The following PCDH15 variants were observed in gnomAD, a reference collection of about 807,000 sequenced individuals.
PCDH15 encodes the protein protocadherin related 15.
Under a neutral mutation model 178.5 loss-of-function variants are expected in PCDH15, and 129 were observed. That is an observed-to-expected ratio of 0.72 (90% CI 0.63 to 0.84). The LOEUF (loss-of-function observed/expected upper bound fraction) is 0.84. Ranked by LOEUF, PCDH15 falls within the 40% of genes least tolerant of loss-of-function variation. The probability of loss-of-function intolerance (pLI) is 0.00; values close to 1 mark genes in which losing one functional copy is unlikely to be tolerated. For missense variants in PCDH15, 2,230 were observed against 2,099.9 expected (o/e 1.06, Z -1.21); for synonymous variants, 800 against 732.0 (o/e 1.09, Z -1.50).
At chr10:54,271,895 G>GC (rs2058067904) in intron 8 of PCDH15, among the ~76,000 whole-genome samples, 1 of 150,136 alleles carries the variant, frequency 6.7e-6, no homozygotes, top group South Asian at 2.1e-4. Flanking sequence ...TTTGGTAAGT[G>GC]CCCACCACAT....
chr10:55,441,059 G>T (rs367997353), intron 2 of PCDH15, among the ~76,000 whole-genome samples: 2 of 152,106 alleles, frequency 1.3e-5, no homozygotes, highest in Non-Finnish European at 2.9e-5. Context: ...GATTTGGGTG[G>T]GGACACAGCC....
chr10:54,424,526 T>A (rs549501079), intron 3 of PCDH15, among the ~76,000 whole-genome samples: 88 of 150,598 alleles, frequency 5.8e-4, no homozygotes, highest in Non-Finnish European at 1.1e-3. Context: ...CCCAAAGGAT[T>A]ATAAAACATG....
At chr10:54,936,910 T>C (rs1360005152) in intron 2 of PCDH15, among the ~76,000 whole-genome samples, 1 of 151,928 alleles carries the variant, frequency 6.6e-6, no homozygotes, top group Non-Finnish European at 1.5e-5. Flanking sequence ...TATTTAATAA[T>C]TAATCACATA....
chr10:54,838,035 T>G (rs894929674), intron 3 of PCDH15, among the ~76,000 whole-genome samples: 5 of 151,828 alleles, frequency 3.3e-5, no homozygotes, highest in Admixed American at 6.6e-5. Flanking sequence ...TACATACTTG[T>G]CCAAGTATTC....
chr10:53,880,488 T>C (rs2080626249), intron 26 of PCDH15, among the ~76,000 whole-genome samples: 1 of 152,188 alleles, frequency 6.6e-6, no homozygotes, highest in South Asian at 2.1e-4. Flanking sequence ...AGGAAAGTAA[T>C]AGCAGGGCAA....
At chr10:55,504,433 C>T (rs965958177) in intron 2 of PCDH15, among the ~76,000 whole-genome samples, 2 of 151,236 alleles carry the variant, frequency 1.3e-5, no homozygotes, top group African/African-American at 4.8e-5. Context: ...AAGACAAAAA[C>T]TGTAAATATG....
intron 1 of PCDH15, among the ~76,000 whole-genome samples, chr10:55,233,230 A>G (rs1841277443): frequency 6.6e-6 from 1 of 152,066 alleles, no homozygotes; most frequent in Admixed American, 6.6e-5. Flanking sequence ...TGCTTTTTCA[A>G]TAACTTTCAC....
intron 1 of PCDH15, among the ~76,000 whole-genome samples, chr10:55,314,922 A>T (rs1843685293): frequency 6.6e-6 from 1 of 152,160 alleles, no homozygotes; most frequent in Non-Finnish European, 1.5e-5. Flanking sequence ...AAAATAATTG[A>T]ATACATTATT....
intron 10 of PCDH15, 149 bp from the exon 11 acceptor site, chr10:54,196,038 A>G (rs1004411820): frequency 1.5e-6 from 1 of 677,924 alleles, no homozygotes; most frequent in South Asian, 1.9e-5. Context: ...TTGAAAATAT[A>G]AATGAGGAAA....
At chr10:53,812,962 T>C (rs757805677) in intron 35 of PCDH15, among the ~76,000 whole-genome samples, 2 of 152,224 alleles carry the variant, frequency 1.3e-5, no homozygotes, top group African/African-American at 4.8e-5. Context: ...ACAGCCTGCA[T>C]GATTGATATG....
chr10:54,686,409 T>C (rs1382963018), intron 1 of PCDH15, among the ~76,000 whole-genome samples: 1 of 151,648 alleles, frequency 6.6e-6, no homozygotes, highest in Non-Finnish European at 1.5e-5. Flanking sequence ...GTTATTGAGA[T>C]TTTTTAGCAA....
chr10:54,006,668 C>T (rs5003374), intron 20 of PCDH15, among the ~76,000 whole-genome samples: 85,701 of 151,964 alleles, frequency 0.56, 25,421 homozygotes, highest in South Asian at 0.7. Context: ...TGCCTTGGTA[C>T]TGGGCACTGA....
intron 1 of PCDH15, among the ~76,000 whole-genome samples, chr10:54,723,799 C>T (rs958568009): frequency 6.6e-6 from 1 of 151,674 alleles, no homozygotes; most frequent in Non-Finnish European, 1.5e-5. Context: ...TGCTAAACAT[C>T]AGTAATCATC....
chr10:54,969,456 T>C (rs1462080453), intron 2 of PCDH15, among the ~76,000 whole-genome samples: 1 of 152,196 alleles, frequency 6.6e-6, no homozygotes, highest in Non-Finnish European at 1.5e-5. Flanking sequence ...ATGTGAATGT[T>C]GAGATGATTT....
At chr10:55,407,520 T>C (rs1035221556) in intron 2 of PCDH15, among the ~76,000 whole-genome samples, 8 of 152,314 alleles carry the variant, frequency 5.3e-5, no homozygotes, top group African/African-American at 1.9e-4. Context: ...TTCCTGTCTA[T>C]CATTCTTAAA....
At chr10:54,148,194 T>C (rs544299617) in intron 14 of PCDH15, among the ~76,000 whole-genome samples, 11 of 152,082 alleles carry the variant, frequency 7.2e-5, no homozygotes, top group Non-Finnish European at 1.2e-4. Flanking sequence ...ATTCTGTAAC[T>C]ACTCAATGTA....
chr10:54,405,508 G>C (rs888846888), intron 3 of PCDH15, among the ~76,000 whole-genome samples: 1 of 151,798 alleles, frequency 6.6e-6, no homozygotes, highest in African/African-American at 2.4e-5. Flanking sequence ...ACATAGAGGG[G>C]AACAAAACAC....
rs1204151496 is a variant in PCDH15 at position 54,378,787 on chromosome 10, T to G, written c.313A>C (p.Arg105=). 6.2e-7 allele frequency: 1 copy of G among 1,613,638 alleles called. No individual in the cohort carries two copies. Among genetic ancestry groups the G allele is most frequent in the East Asian group, 2.2e-5 (1 of 44,856 alleles). The change falls in exon 4 of 38, where the codon AGA becomes CGA. Residue 105 remains arginine, a synonymous_variant. Transcript: ENST00000644397. ...FLNSTGRVLD[R]DPPMNIHSIV... ...AAAGAAAAAAAATCACTAACATCTC[T>G]ATCCAGAACTCTTCCGGTGCTGTTC...
intron 2 of PCDH15, among the ~76,000 whole-genome samples, chr10:55,553,172 C>T (rs894645461): frequency 6.7e-6 from 1 of 149,868 alleles, no homozygotes; most frequent in African/African-American, 2.4e-5. Context: ...CTTTCAGCAA[C>T]ATAATTTCAT....
Sources: allele counts gnomAD v4.1 joint callset (sites outside exome capture counted in the v4.1 genomes callset), GRCh38; gene constraint gnomAD v4.1.1; transcripts MANE v1.5; gene names NCBI Gene and HGNC (gene_info 2026-07-23, HGNC 2026-07-21).